OSCP1: variants seen among roughly 807,000 people sequenced by gnomAD.
The protein encoded by OSCP1 is organic solute carrier partner 1.
OSCP1 carries 35 observed loss-of-function variants against 45.1 expected under a neutral mutation model. The ratio of observed to expected loss-of-function variants is 0.78; its 90% confidence interval spans 0.59 to 1.03. The LOEUF is 1.03. Among genes scored for constraint, OSCP1 ranks in the 50% least tolerant of loss-of-function variants. The pLI is 0.00. For synonymous variants in OSCP1, 179 were observed against 180.1 expected (o/e 0.99, Z 0.05); for missense variants, 400 against 470.7 (o/e 0.85, Z 1.39).
At position 36,450,365 on chromosome 1, in the gene OSCP1, G is replaced by T; in HGVS notation, c.5C>A (p.Ser2Ter). The change falls in exon 1 of 10, where the codon TCG (serine) becomes TAG (stop). Residue 2 changes from serine to a stop codon, truncating the protein, a stop_gained. Coordinates refer to ENST00000235532, the MANE Select transcript of OSCP1 (RefSeq NM_145047.5). LOFTEE classifies it high-confidence loss of function. ...GAAGAGCAGCGGTAGCGTCCGCACC[G>T]ACATGGTGCTGGAAACGAGCTGGAC... The part of the protein sequence containing the change: M[S>*]VRTLPLLFLN... 2 of 1,613,116 alleles carry T rather than the reference G, an allele frequency of 1.2e-6. No individual in the cohort carries two copies. The highest frequency in any genetic ancestry group is 4.5e-5 in the East Asian group (2 of 44,846).
chr1:36,418,048 C>G lies in OSCP1; in HGVS notation c.*91G>C. 1 of 974,668 alleles carries G rather than the reference C, an allele frequency of 1.0e-6. No individual in the cohort carries two copies. The highest frequency in any genetic ancestry group is 1.6e-6 in the Non-Finnish European group (1 of 638,426). The allele number at this position is 974,668 out of a possible 1,614,324, so 60.4% of individuals were successfully genotyped here. On this transcript the variant is annotated 3_prime_UTR_variant, in exon 10 of 10. Transcript: ENST00000235532. ...CGTAATGGCTTCACTCAGTAGAAAA[C>G]TAGCAGCATCATTCTGGGCCATGGG...
chr1:36,419,120 G>T (rs1647460214), intron 8 of OSCP1, 66 bp from the exon 9 acceptor site: 1 of 1,425,090 alleles, frequency 7.0e-7, no homozygotes, highest in African/African-American at 1.4e-5. Context: ...ATGGCAAACT[G>T]GCTCTTGATC....
At chr1:36,418,929 GAAAA>G in intron 9 of OSCP1, 58 bp downstream of exon 9, 1 of 1,075,622 alleles carries the variant, frequency 9.3e-7, no homozygotes, top group Non-Finnish European at 1.3e-6. Context: ...CCTGTCTCAA[GAAAA>G]AAAAAAAAAG....
intron 4 of OSCP1, among the ~76,000 whole-genome samples, chr1:36,426,487 C>A (rs1469726224): frequency 6.6e-6 from 1 of 152,200 alleles, no homozygotes; most frequent in Non-Finnish European, 1.5e-5. Flanking sequence ...ATCCCATTGC[C>A]TGTCACACAT....
intron 1 of OSCP1, 45 bp downstream of exon 1, chr1:36,450,213 G>GGCT: frequency 1.3e-6 from 2 of 1,511,964 alleles, no homozygotes; most frequent in South Asian, 1.1e-5. Context: ...GAGAGGGCCG[G>GGCT]GCTGCTGGCT....
At chr1:36,435,853 C>T (rs977690747) in intron 2 of OSCP1, among the ~76,000 whole-genome samples, 6 of 151,888 alleles carry the variant, frequency 4.0e-5, no homozygotes, top group Admixed American at 6.6e-5. Context: ...AGGATGGTCT[C>T]GATCTCTTGA....
rs374378750 is a variant in OSCP1 at position 36,442,732 on chromosome 1, C to T, written c.113-3822G>A. Among the ~76,000 whole-genome samples the T allele has an allele frequency of 5.0e-4, 76 of 152,300 alleles. 1 individual carries two copies. Among genetic ancestry groups the T allele is most frequent in the African/African-American group, 1.8e-3 (75 of 41,566 alleles). On this transcript the variant is annotated intron_variant, in intron 1 of 9. Coordinates refer to ENST00000235532, the MANE Select transcript of OSCP1 (RefSeq NM_145047.5). Reference sequence around the variant, plus strand: ...GTTTCAATCCTTTCTATGTCCCAGGCACTGGGCTTAGAACTTTATATGCAT... The same window carrying T: ...GTTTCAATCCTTTCTATGTCCCAGGTACTGGGCTTAGAACTTTATATGCAT...
chr1:36,423,515 A>T (rs1229142984), intron 4 of OSCP1, 49 bp from the exon 5 acceptor site: 1 of 1,430,018 alleles, frequency 7.0e-7, no homozygotes, highest in Non-Finnish European at 9.8e-7. Flanking sequence ...ATTTTCATAG[A>T]CATCAATATT....
intron 4 of OSCP1, among the ~76,000 whole-genome samples, chr1:36,426,275 G>A (rs533591185): frequency 1.7e-4 from 26 of 152,284 alleles, no homozygotes; most frequent in African/African-American, 5.1e-4. Context: ...GTCTGTGTTT[G>A]GCCTGAGACT....
intron 4 of OSCP1, among the ~76,000 whole-genome samples, chr1:36,426,303 G>T: frequency 6.6e-6 from 1 of 152,160 alleles, no homozygotes; most frequent in East Asian, 1.9e-4. Context: ...TGGCTGGAGA[G>T]GACTGTTAGG....
chr1:36,437,018 G>A (rs1345161949), intron 2 of OSCP1, among the ~76,000 whole-genome samples: 1 of 152,152 alleles, frequency 6.6e-6, no homozygotes, highest in Admixed American at 6.5e-5. Flanking sequence ...CATCATGTCA[G>A]GGTACATACT....
At chr1:36,443,207 TC>T (rs1295232787) in intron 1 of OSCP1, among the ~76,000 whole-genome samples, 1 of 152,182 alleles carries the variant, frequency 6.6e-6, no homozygotes, top group East Asian at 1.9e-4. Context: ...CAAGTGATCC[TC>T]CTGCCTCAGA....
At chr1:36,430,743 C>A (rs575350783) in intron 4 of OSCP1, among the ~76,000 whole-genome samples, 6 of 152,290 alleles carry the variant, frequency 3.9e-5, no homozygotes, top group Admixed American at 3.3e-4. Flanking sequence ...TAACCTCCGC[C>A]TCCTGGGTTC....
rs192066708 is a variant in OSCP1, at chr1:36,436,165, G to A, written c.267+2591C>T. Among the ~76,000 whole-genome samples the A allele has an allele frequency of 1.7e-3, 257 of 147,294 alleles. 1 individual carries two copies. Among genetic ancestry groups the A allele is most frequent in the Middle Eastern group, 7.3e-3 (2 of 274 alleles). On this transcript the variant is annotated intron_variant, in intron 2 of 9. Transcript: ENST00000235532. ...GTCCCCCAGGCTGGAGTGCAGTGGC[G>A]TGATCTCAGCTCACTGCAAGCTCCG...
At chr1:36,424,818 G>T (rs1211139750) in intron 4 of OSCP1, among the ~76,000 whole-genome samples, 2 of 152,178 alleles carry the variant, frequency 1.3e-5, no homozygotes, top group South Asian at 4.1e-4. Flanking sequence ...AATAAGAGAT[G>T]AGCTTGAAGA....
At chr1:36,444,456 G>GTTTTC (rs1199029634) in intron 1 of OSCP1, among the ~76,000 whole-genome samples, 2 of 152,028 alleles carry the variant, frequency 1.3e-5, no homozygotes, top group African/African-American at 4.8e-5. Context: ...TACAATCTGA[G>GTTTTC]TTTTCTTTTC....
chr1:36,427,237 T>C (rs578077646), intron 4 of OSCP1, among the ~76,000 whole-genome samples: 26 of 150,288 alleles, frequency 1.7e-4, no homozygotes, highest in African/African-American at 6.1e-4. Context: ...CCTGACCTCA[T>C]GATCCACCTG....
At position 36,423,253 on chromosome 1, in the gene OSCP1, G is replaced by A. The variant is rs1647759646; in HGVS notation, c.620+110C>T. 5.4e-6 allele frequency: 5 copies of A among 925,772 alleles called. No individual in the cohort carries two copies. In the South Asian group the frequency reaches 6.7e-5, roughly 12 times the overall value. 57.3% of individuals were successfully genotyped at this position (925,772 alleles called of 1,614,324 possible). A position where few individuals can be genotyped will look rare whatever the true frequency, so the allele number is the denominator to read the frequency against. ...CAATAGCTGTTTTACTGAAGAAAGA[G>A]AAGGGCTGGGCAGACTGTGAGTGGC... is the stretch of plus-strand genomic sequence containing the variant. On this transcript the variant is annotated intron_variant, in intron 5 of 9. Transcript: ENST00000235532.
intron 4 of OSCP1, among the ~76,000 whole-genome samples, chr1:36,424,209 G>A (rs893857506): frequency 6.6e-6 from 1 of 152,182 alleles, no homozygotes; most frequent in African/African-American, 2.4e-5. Context: ...CCAAAGTGCT[G>A]GGATTACAGG....
Sources: allele counts gnomAD v4.1 joint callset (sites outside exome capture counted in the v4.1 genomes callset), GRCh38; gene constraint gnomAD v4.1.1; transcripts MANE v1.5; gene names NCBI Gene and HGNC (gene_info 2026-07-23, HGNC 2026-07-21).